Variants in CRTAC1 observed in about 807,000 individuals in gnomAD.
The protein encoded by CRTAC1 is acidic secreted protein in cartilage.
CRTAC1 carries 37 observed loss-of-function variants against 67.8 expected under a neutral mutation model. The observed-to-expected ratio is 0.55, with a 90% CI of 0.42 to 0.72. The LOEUF (loss-of-function observed/expected upper bound fraction) is 0.72. Among genes scored for constraint, CRTAC1 ranks in the 30% least tolerant of loss-of-function variants. CRTAC1 has a pLI of 0.00. For synonymous variants in CRTAC1, 348 were observed against 371.0 expected (o/e 0.94, Z 0.71); for missense variants, 780 against 931.6 (o/e 0.84, Z 2.12).
intron 1 of CRTAC1, among the ~76,000 whole-genome samples, chr10:98,019,288 C>T (rs1314730686): frequency 6.6e-6 from 1 of 152,224 alleles, no homozygotes; most frequent in Non-Finnish European, 1.5e-5. Flanking sequence ...AGCTAGGAGG[C>T]AGCACCCATT....
At chr10:97,879,866 G>T (rs1255090421) in intron 14 of CRTAC1, 7 of 1,169,264 alleles carry the variant, frequency 6.0e-6, no homozygotes, top group South Asian at 1.4e-5. Flanking sequence ...GGGACGGGGT[G>T]GGGGTGGAGG....
intron 2 of CRTAC1, among the ~76,000 whole-genome samples, chr10:97,998,805 C>G (rs558299299): frequency 6.6e-6 from 1 of 152,090 alleles, no homozygotes; most frequent in Non-Finnish European, 1.5e-5. Context: ...AGGGCAAAGA[C>G]TAAAATACTA....
rs367569429 is a variant in CRTAC1, at chr10:97,896,976, C to A, written c.1149G>T (p.Glu383Asp). The change falls in exon 9 of 15, where the codon GAG (glutamate) becomes GAT (aspartate). Residue 383 changes from glutamate (E) to aspartate (D), a missense_variant. Physicochemically the swap from Glu to Asp is conservative, Grantham distance 45. Transcript: ENST00000370597. ...GCTCCTCGATGAGGGGGTCTCCGTG[C>A]TCTCTACGGATGACGCTGCAGGAGA... ...ANRLFRVIRR[E>D]HGDPLIEELN... 3.8e-6 allele frequency: 6 copies of A among 1,558,636 alleles called. No individual in the cohort carries two copies. The African/African-American group carries it at 8.1e-5, about 21-fold the overall frequency.
At chr10:97,985,849 A>G (rs1018929885) in intron 2 of CRTAC1, among the ~76,000 whole-genome samples, 1 of 152,152 alleles carries the variant, frequency 6.6e-6, no homozygotes, top group African/African-American at 2.4e-5. Context: ...CCTGTCCTGC[A>G]CTGAAATAAG....
At chr10:97,941,694 A>G (rs895701695) in intron 2 of CRTAC1, among the ~76,000 whole-genome samples, 1 of 152,078 alleles carries the variant, frequency 6.6e-6, no homozygotes, top group Admixed American at 6.5e-5. Context: ...TGTTTCACAA[A>G]TCCTTTTTCT....
At chr10:97,877,286 CT>C (rs1233945545) in intron 14 of CRTAC1, among the ~76,000 whole-genome samples, 1 of 152,246 alleles carries the variant, frequency 6.6e-6, no homozygotes, top group African/African-American at 2.4e-5. Flanking sequence ...CTTGGCTCCT[CT>C]ATCTGGCTGG....
At chr10:97,883,155 G>C (rs552948113) in intron 12 of CRTAC1, among the ~76,000 whole-genome samples, 1 of 152,256 alleles carries the variant, frequency 6.6e-6, no homozygotes, top group African/African-American at 2.4e-5. Flanking sequence ...AGGGCAAAGT[G>C]TAATGAGGGC....
chr10:97,903,695 G>A (rs2050571783), intron 7 of CRTAC1, among the ~76,000 whole-genome samples: 1 of 152,042 alleles, frequency 6.6e-6, no homozygotes, highest in African/African-American at 2.4e-5. Flanking sequence ...GAACAGTCCT[G>A]GATCCCTGAG....
intron 2 of CRTAC1, among the ~76,000 whole-genome samples, chr10:97,962,144 A>G (rs1019152581): frequency 6.6e-6 from 1 of 152,168 alleles, no homozygotes; most frequent in African/African-American, 2.4e-5. Context: ...CTGTCTGTGC[A>G]TAGGTCTCAG....
At chr10:97,881,512 C>T in intron 13 of CRTAC1, among the ~76,000 whole-genome samples, 1 of 152,198 alleles carries the variant, frequency 6.6e-6, no homozygotes, top group East Asian at 1.9e-4. Flanking sequence ...GAATGGATGC[C>T]CCTCTTGTGG....
chr10:97,925,498 TGAGA>T (rs1390885492), intron 3 of CRTAC1, among the ~76,000 whole-genome samples: 3 of 148,970 alleles, frequency 2.0e-5, no homozygotes, highest in Non-Finnish European at 4.5e-5. Flanking sequence ...CATGAGTGAG[TGAGA>T]ATGTGGGCAT....
rs1554938506 is a variant in CRTAC1, at chr10:98,029,527, G to GGCGGCGGCGGCA, written c.24+921_24+922insTGCCGCCGCCGC. 1.7e-3 allele frequency among the ~76,000 whole-genome samples: 223 copies of GGCGGCGGCGGCA among 131,142 alleles called. 2 individuals are homozygous for GGCGGCGGCGGCA. Among genetic ancestry groups the GGCGGCGGCGGCA allele is most frequent in the South Asian group, 6.4e-3 (30 of 4,686 alleles). The allele number at this position is 131,142 out of a possible 152,430, so 86.0% of individuals were successfully genotyped here. On this transcript the variant is annotated intron_variant, in intron 1 of 14. Coordinates refer to ENST00000370597, the MANE Select transcript of CRTAC1 (RefSeq NM_018058.7). This position sits in a 1 kb window ranked among gnomAD's most constrained non-coding sequence, Gnocchi z 4.7. ...CGGCGGCGGCGGCGGCGGCGGCGGC[G>GGCGGCGGCGGCA]GCAGCAGCAGCAATATTCATTAGTC...
chr10:97,919,057 G>C (rs1321431401), intron 4 of CRTAC1, among the ~76,000 whole-genome samples: 1 of 151,814 alleles, frequency 6.6e-6, no homozygotes, highest in East Asian at 1.9e-4. Context: ...GCCTCCCAAA[G>C]TGCTGGAATT....
chr10:98,024,684 T>C lies in CRTAC1; in HGVS notation c.24+5765A>G, dbSNP rs909759461. Reference sequence around the variant, plus strand: ...TCAAGGAAAATTTTAATTTTTTTAGTGTCTAGGGTTTTTGAAGGGCAAATC... The same window carrying C: ...TCAAGGAAAATTTTAATTTTTTTAGCGTCTAGGGTTTTTGAAGGGCAAATC... On this transcript the variant is annotated intron_variant, in intron 1 of 14. Coordinates refer to ENST00000370597, the MANE Select transcript of CRTAC1 (RefSeq NM_018058.7). 3.3e-5 allele frequency among the ~76,000 whole-genome samples: 5 copies of C among 151,592 alleles called. No individual in the cohort carries two copies. In the South Asian group the frequency reaches 1.0e-3, roughly 32 times the overall value.
chr10:97,938,884 C>A (rs2051129472), intron 2 of CRTAC1, among the ~76,000 whole-genome samples: 1 of 152,162 alleles, frequency 6.6e-6, no homozygotes, highest in Non-Finnish European at 1.5e-5. Context: ...CCCTGGGGGC[C>A]CTCTGCTCCA....
chr10:97,920,858 G>T (rs1224971136), intron 4 of CRTAC1, among the ~76,000 whole-genome samples: 1 of 152,204 alleles, frequency 6.6e-6, no homozygotes, highest in Admixed American at 6.5e-5. Context: ...AAACAATGAG[G>T]CATAATCATT....
chr10:97,876,634 G>T (rs2050150885), intron 14 of CRTAC1, among the ~76,000 whole-genome samples: 3 of 152,106 alleles, frequency 2.0e-5, no homozygotes, highest in African/African-American at 7.2e-5. Flanking sequence ...GCCCCTAAAG[G>T]CATTTGTTAT....
At chr10:98,001,242 G>C (rs1842682803) in intron 2 of CRTAC1, among the ~76,000 whole-genome samples, 1 of 152,036 alleles carries the variant, frequency 6.6e-6, no homozygotes, top group Non-Finnish European at 1.5e-5. Context: ...GTTATTAATA[G>C]GCCAAGCAGA....
chr10:97,905,858 G>T (rs375713852), intron 6 of CRTAC1, among the ~76,000 whole-genome samples: 149 of 152,324 alleles, frequency 9.8e-4, no homozygotes, highest in African/African-American at 3.5e-3. Flanking sequence ...TACTATCCAC[G>T]GAGTGGGTGC....
Sources: gnomAD v4.1 joint callset for allele counts (sites outside exome capture counted in the v4.1 genomes callset) on GRCh38, gnomAD v4.1.1 for gene constraint, Gnocchi (gnomAD v3.1) non-coding constraint, MANE v1.5 for transcripts, NCBI Gene and HGNC (gene_info 2026-07-23, HGNC 2026-07-21) for gene names.